Variants in SERPIND1 observed in about 807,000 individuals in gnomAD.
The protein encoded by SERPIND1 is heparin cofactor 2.
SERPIND1 carries 34 observed loss-of-function variants against 35.0 expected under a neutral mutation model. The observed-to-expected ratio is 0.97, with a 90% confidence interval of 0.74 to 1.29. The LOEUF (loss-of-function observed/expected upper bound fraction) is 1.29. SERPIND1 is among the 50% of genes most tolerant of loss of function. SERPIND1 has a pLI of 0.00. For synonymous variants in SERPIND1, 236 were observed against 241.1 expected, an observed-to-expected ratio of 0.98 and a Z score of 0.19; for missense variants, 633 against 637.7, an observed-to-expected ratio of 0.99 and a Z score of 0.08.
chr22:20,781,994 T>C (rs895947346), intron 2 of SERPIND1, among the ~76,000 whole-genome samples: 1 of 152,216 alleles, frequency 6.6e-6, no homozygotes, highest in African/African-American at 2.4e-5. Flanking sequence ...AATGAAACTG[T>C]AGATTACAAT....
At chr22:20,785,282 C>T (rs1381507632) in intron 3 of SERPIND1, among the ~76,000 whole-genome samples, 1 of 152,174 alleles carries the variant, frequency 6.6e-6, no homozygotes, top group Non-Finnish European at 1.5e-5. Flanking sequence ...GTTGCCCAGG[C>T]TGGTCTTGAA....
Position 20,787,064 on chromosome 22 carries a change from T to G in SERPIND1, c.1498T>G (p.Ter500GluextTer44). The change falls in exon 5 of 5, where the codon TAG becomes GAG. Residue 500 changes from the stop codon to glutamate, a stop_lost. Coordinates refer to ENST00000215727, the MANE Select transcript of SERPIND1 (RefSeq NM_000185.4). The part of the protein sequence containing the change: ...MGRVANPSRS[*>E] The stretch of plus-strand genomic sequence containing the variant: ...AAGAGTGGCCAACCCCAGCAGGTCC[T>G]AGAGGTGGAGGTCTAGGTGTCTGAA... 1 of 1,614,036 alleles carries G rather than the reference T, an allele frequency of 6.2e-7. No homozygotes were observed. The highest frequency in any genetic ancestry group is 8.5e-7 in the Non-Finnish European group (1 of 1,179,936).
At chr22:20,774,756 G>A (rs547455551) in intron 1 of SERPIND1, among the ~76,000 whole-genome samples, 11 of 110,704 alleles carry the variant, frequency 9.9e-5, no homozygotes, top group Non-Finnish European at 1.6e-4. Context: ...GTTAGACTCC[G>A]TCAAAAAAAA....
In SERPIND1 at chr22:20,784,391, C is replaced by T. The variant is rs569962236; in HGVS notation, c.1163+146C>T. On this transcript the variant is annotated intron_variant, in intron 3 of 4. Transcript: ENST00000215727. ...ATACAGGGCCACTCTGTTAATTCAGCCCCAATTTGTTGCTTGAGATAAGAG... is the reference window on the plus strand; with the variant it reads ...ATACAGGGCCACTCTGTTAATTCAGTCCCAATTTGTTGCTTGAGATAAGAG... 45 of 1,134,034 alleles carry T rather than the reference C, an allele frequency of 4.0e-5. No homozygotes were observed. The East Asian group carries it at 1.1e-3, about 28-fold the overall frequency. 70.2% of individuals were successfully genotyped at this position (1,134,034 alleles called of 1,614,324 possible).
chr22:20,780,397 T>C (rs1159801798), intron 2 of SERPIND1, among the ~76,000 whole-genome samples, 196 bp downstream of exon 2: 1 of 152,246 alleles, frequency 6.6e-6, no homozygotes, highest in Non-Finnish European at 1.5e-5. Context: ...GCCCTAACTC[T>C]GTGCTTTAAC....
chr22:20,781,629 T>C (rs1423174036), intron 2 of SERPIND1, among the ~76,000 whole-genome samples: 1 of 152,228 alleles, frequency 6.6e-6, no homozygotes, highest in East Asian at 1.9e-4. Flanking sequence ...ACACCCAGGT[T>C]TCCACCCCAA....
intron 1 of SERPIND1, among the ~76,000 whole-genome samples, chr22:20,778,555 C>A (rs73162808): frequency 2.0e-5 from 3 of 152,014 alleles, no homozygotes; most frequent in African/African-American, 7.2e-5. Context: ...AAAAAAACAA[C>A]GAATTAAACA....
At chr22:20,775,500 C>A (rs187591724) in intron 1 of SERPIND1, among the ~76,000 whole-genome samples, 1 of 152,076 alleles carries the variant, frequency 6.6e-6, no homozygotes, top group African/African-American at 2.4e-5. Context: ...TTCTGAATAC[C>A]GGGATAAAAC....
chr22:20,782,218 G>A (rs1182270554), intron 2 of SERPIND1, among the ~76,000 whole-genome samples: 1 of 152,210 alleles, frequency 6.6e-6, no homozygotes, highest in Non-Finnish European at 1.5e-5. Flanking sequence ...GACAGGCAGA[G>A]AAGTACAGCA....
In SERPIND1 at chr22:20,779,583, G is replaced by A. The variant is rs372976032; in HGVS notation, c.271G>A (p.Asp91Asn). ...GGAGAAGATATTCAGTGAAGACGAC[G>A]ACTACATCGACATCGTCGACAGTCT... is the stretch of plus-strand genomic sequence containing the variant. ...DLEKIFSEDDDYIDIVDSLSV... is the reference protein window; with the variant it reads ...DLEKIFSEDDNYIDIVDSLSV... The change falls in exon 2 of 5, where the codon GAC becomes AAC. Residue 91 changes from aspartate (D) to asparagine (N), a missense_variant. Coordinates refer to ENST00000215727, the MANE Select transcript of SERPIND1 (RefSeq NM_000185.4). The A allele has an allele frequency of 8.7e-6, 14 of 1,614,200 alleles. No homozygotes were observed. The highest frequency in any genetic ancestry group is 2.2e-5 in the East Asian group (1 of 44,882).
At chr22:20,774,300 T>C (rs1292430197) in intron 1 of SERPIND1, among the ~76,000 whole-genome samples, 155 bp downstream of exon 1, 5 of 152,256 alleles carry the variant, frequency 3.3e-5, no homozygotes, top group Non-Finnish European at 7.3e-5. Flanking sequence ...GTGCCTATTA[T>C]AAAATTGTGT....
chr22:20,781,169 C>T (rs1350605634), intron 2 of SERPIND1, among the ~76,000 whole-genome samples: 1 of 152,196 alleles, frequency 6.6e-6, no homozygotes, highest in Non-Finnish European at 1.5e-5. Flanking sequence ...ACCCATCACA[C>T]ACACATAGGA....
intron 4 of SERPIND1, among the ~76,000 whole-genome samples, 162 bp from the exon 5 acceptor site, chr22:20,786,713 A>G (rs568614527): frequency 6.6e-6 from 1 of 152,246 alleles, no homozygotes; most frequent in African/African-American, 2.4e-5. Flanking sequence ...GCTGCCCCTG[A>G]CAGGTGGTGA....
chr22:20,775,069 T>C (rs1933157240), intron 1 of SERPIND1, among the ~76,000 whole-genome samples: 1 of 152,204 alleles, frequency 6.6e-6, no homozygotes, highest in Admixed American at 6.5e-5. Context: ...CTGCCTGCTC[T>C]GTTGGGCCTG....
chr22:20,777,062 T>G lies in SERPIND1; in HGVS notation c.-16-2235T>G, dbSNP rs114228214. ...TTTTTTGTTTTTTTTTTGTTTTCTG[T>G]TTTTTGAGATAAGGACTCACTCTAT... On this transcript the variant is annotated intron_variant, in intron 1 of 4. Coordinates refer to ENST00000215727, the MANE Select transcript of SERPIND1 (RefSeq NM_000185.4). Among the ~76,000 whole-genome samples, 1,111 of 151,984 alleles carry G rather than the reference T, an allele frequency of 7.3e-3. 11 individuals carry two copies. The highest frequency in any genetic ancestry group is 0.025 in the African/African-American group (1,034 of 41,440).
chr22:20,774,703 G>T (rs1417462350), intron 1 of SERPIND1, among the ~76,000 whole-genome samples: 1 of 150,762 alleles, frequency 6.6e-6, no homozygotes, highest in African/African-American at 2.4e-5. Context: ...AGAGGTTGCA[G>T]TGAGCGGAGA....
rs189945260 is a variant in SERPIND1 at position 20,774,394 on chromosome 22, G to A, written c.-17+249G>A. The stretch of plus-strand genomic sequence containing the variant: ...ATATTGTACTTATATTAAATTAATC[G>A]AATTGGATAACTGTCCTGTGATTAT... On this transcript the variant is annotated intron_variant, in intron 1 of 4. Coordinates refer to ENST00000215727, the MANE Select transcript of SERPIND1 (RefSeq NM_000185.4). 3.4e-4 allele frequency among the ~76,000 whole-genome samples: 52 copies of A among 152,268 alleles called. 1 individual carries two copies. Among genetic ancestry groups the A allele is most frequent in the Admixed American group, 2.9e-3 (45 of 15,288 alleles).
At chr22:20,777,038 T>G (rs1016557383) in intron 1 of SERPIND1, among the ~76,000 whole-genome samples, 1 of 110,746 alleles carries the variant, frequency 9.0e-6, no homozygotes, top group Non-Finnish European at 1.9e-5. Context: ...AGGCAGTTTT[T>G]TTTTGTTTTT....
In SERPIND1 at chr22:20,787,389, C is replaced by T; in HGVS notation, c.*323C>T. 2.6e-6 allele frequency: 1 copy of T among 387,818 alleles called. No homozygotes were observed. Among genetic ancestry groups the T allele is most frequent in the South Asian group, 2.2e-5 (1 of 46,032 alleles). The allele number at this position is 387,818 out of a possible 1,614,324, so 24.0% of individuals were successfully genotyped here. The stretch of plus-strand genomic sequence containing the variant: ...CACCTCCCGCTCCGGTGACCCCATC[C>T]TTGCACACCTGACTCTGTCACTCAA... On this transcript the variant is annotated 3_prime_UTR_variant, in exon 5 of 5. Coordinates refer to ENST00000215727, the MANE Select transcript of SERPIND1 (RefSeq NM_000185.4).
Sources: allele counts gnomAD v4.1 joint callset (sites outside exome capture counted in the v4.1 genomes callset), GRCh38; gene constraint gnomAD v4.1.1; transcripts MANE v1.5; gene names NCBI Gene and HGNC (gene_info 2026-07-23, HGNC 2026-07-21).